Variants in COLGALT2 observed in about 807,000 individuals in gnomAD.
COLGALT2 encodes collagen beta(1-O)galactosyltransferase 2, also known as procollagen galactosyltransferase 2.
A neutral mutation model predicts 73.4 loss-of-function variants in COLGALT2; 49 were observed. The observed-to-expected ratio is 0.67, with a 90% CI of 0.53 to 0.85. COLGALT2 has a LOEUF of 0.85. Ranked by LOEUF, COLGALT2 falls within the 40% of genes least tolerant of loss-of-function variation. The pLI is 0.00. For missense variants in COLGALT2, 722 were observed against 790.2 expected, an observed-to-expected ratio of 0.91 and a Z score of 1.03; for synonymous variants, 295 against 307.6, an observed-to-expected ratio of 0.96 and a Z score of 0.43.
At chr1:183,981,526 C>T (rs75271463) in intron 1 of COLGALT2, among the ~76,000 whole-genome samples, 2,379 of 151,384 alleles carry the variant, frequency 0.016, 54 homozygotes, top group African/African-American at 0.055. Context: ...TATGGTGGCA[C>T]GTGCCTGTTA....
In COLGALT2 at chr1:183,973,708, T is replaced by G; in HGVS notation, c.535A>C (p.Asn179His). The G allele has an allele frequency of 6.2e-7, 1 of 1,613,918 alleles. No homozygotes were observed. Among genetic ancestry groups the G allele is most frequent in the East Asian group, 2.2e-5 (1 of 44,888 alleles). Residue 179 changes from asparagine to histidine, a missense_variant, in exon 4 of 12, where the codon AAT becomes CAT. Asn to His is a moderately conservative substitution (Grantham distance 68). Transcript: ENST00000361927. Reference sequence around the variant, plus strand: ...GTTTTGTTTTCTGCAATCAGTAGATTGAGGGTCTGTGGATTAGTCAGGAAA... The same window carrying G: ...GTTTTGTTTTCTGCAATCAGTAGATGGAGGGTCTGTGGATTAGTCAGGAAA... ...DNFLTNPQTL[N>H]LLIAENKTIV...
intron 1 of COLGALT2, among the ~76,000 whole-genome samples, chr1:184,019,026 G>C (rs995520133): frequency 6.6e-6 from 1 of 152,192 alleles, no homozygotes; most frequent in Non-Finnish European, 1.5e-5. Context: ...TTGAACGGCT[G>C]AGGACCTTTC....
chr1:183,986,295 C>G (rs1558326370), intron 1 of COLGALT2, among the ~76,000 whole-genome samples: 1 of 152,322 alleles, frequency 6.6e-6, no homozygotes, highest in Middle Eastern at 3.4e-3. Flanking sequence ...TACCAAGTCA[C>G]TTAGTTGCAA....
intron 1 of COLGALT2, among the ~76,000 whole-genome samples, chr1:183,993,343 G>A (rs7551678): frequency 0.16 from 23,677 of 152,182 alleles, 3,006 homozygotes; most frequent in African/African-American, 0.34. Flanking sequence ...CAGCACCCAG[G>A]AAATATCTGG....
chr1:184,020,278 C>T (rs1197650476), intron 1 of COLGALT2, among the ~76,000 whole-genome samples: 1 of 152,042 alleles, frequency 6.6e-6, no homozygotes, highest in Non-Finnish European at 1.5e-5. Context: ...CAAGAGTTAA[C>T]AGAGCAAATA....
chr1:183,991,198 T>A (rs185160336), intron 1 of COLGALT2, among the ~76,000 whole-genome samples: 1 of 152,336 alleles, frequency 6.6e-6, no homozygotes, highest in African/African-American at 2.4e-5. Flanking sequence ...CATGTGCTTG[T>A]TGAATGACTA....
At chr1:183,984,280 C>CA (rs1671429037) in intron 1 of COLGALT2, among the ~76,000 whole-genome samples, 1 of 152,198 alleles carries the variant, frequency 6.6e-6, no homozygotes, top group Non-Finnish European at 1.5e-5. Context: ...TGGTGTGTGC[C>CA]TGTAGTCCCA....
chr1:184,031,800 A>G (rs1274882031), intron 1 of COLGALT2, among the ~76,000 whole-genome samples: 1 of 150,182 alleles, frequency 6.7e-6, no homozygotes, highest in Non-Finnish European at 1.5e-5. Context: ...TGTCTAGAAC[A>G]GTGCCTCCAT....
chr1:183,940,380 GACACTCACC>G (rs1670074273), intron 11 of COLGALT2, among the ~76,000 whole-genome samples, 192 bp downstream of exon 11: 1 of 152,168 alleles, frequency 6.6e-6, no homozygotes, highest in Non-Finnish European at 1.5e-5. Context: ...CTCTGGGCAG[GACACTCACC>G]ATCTCTGCCT....
At chr1:183,952,530 C>A (rs936820487) in intron 7 of COLGALT2, among the ~76,000 whole-genome samples, 1 of 152,172 alleles carries the variant, frequency 6.6e-6, no homozygotes, top group African/African-American at 2.4e-5. Flanking sequence ...TCAGATTGTA[C>A]TGTGTTAAGG....
chr1:183,942,695 A>G (rs1425314637), intron 10 of COLGALT2, among the ~76,000 whole-genome samples: 3 of 152,236 alleles, frequency 2.0e-5, no homozygotes, highest in Non-Finnish European at 4.4e-5. Context: ...TAACAGGTAC[A>G]ATTTAAAACT....
chr1:184,007,959 A>G (rs1672128361), intron 1 of COLGALT2, among the ~76,000 whole-genome samples: 2 of 152,250 alleles, frequency 1.3e-5, no homozygotes, highest in Non-Finnish European at 2.9e-5. Flanking sequence ...GGCACTGGAC[A>G]TGAACTAGGA....
At chr1:184,031,982 C>T (rs1426095350) in intron 1 of COLGALT2, among the ~76,000 whole-genome samples, 1 of 149,612 alleles carries the variant, frequency 6.7e-6, no homozygotes, top group Non-Finnish European at 1.5e-5. Context: ...CTGCAACCTC[C>T]ACCTCCTAGG....
In COLGALT2 at chr1:183,937,072, T is replaced by C; in HGVS notation, c.*1689A>G. ...AATCAGTATCACATGGGCAGTGAAC[T>C]GAAGAATTAGGTGTCTGGCTTAAAG... is the stretch of plus-strand genomic sequence containing the variant. On this transcript the variant is annotated 3_prime_UTR_variant, in exon 12 of 12. Transcript: ENST00000361927. 8.1e-7 allele frequency: 1 copy of C among 1,231,520 alleles called. No homozygotes were observed. The highest frequency in any genetic ancestry group is 1.5e-5 in the African/African-American group (1 of 64,528). 76.3% of individuals were successfully genotyped at this position (1,231,520 alleles called of 1,614,324 possible).
At chr1:184,008,244 G>A (rs1672135687) in intron 1 of COLGALT2, among the ~76,000 whole-genome samples, 2 of 152,110 alleles carry the variant, frequency 1.3e-5, no homozygotes, top group Admixed American at 6.5e-5. Flanking sequence ...TGACAGGCCT[G>A]TATTTTTTTA....
chr1:184,003,666 TAA>T (rs1306769454), intron 1 of COLGALT2, among the ~76,000 whole-genome samples: 2 of 152,292 alleles, frequency 1.3e-5, no homozygotes, highest in East Asian at 3.9e-4. Context: ...TTTTTGATAC[TAA>T]GTTTGAGGTG....
At position 183,938,944 on chromosome 1, in the gene COLGALT2, C is replaced by T. The variant is rs1374473016; in HGVS notation, c.1698G>A (p.Pro566=). The part of the protein sequence containing the change: ...LIYPTHYTGQ[P]GYLSDTETST... ...AGGTCTCCGTGTCACTCAGGTACCC[C>T]GGCTGGCCTGTGTAGTGCGTAGGGT... Residue 566 remains proline (P), a synonymous_variant, in exon 12 of 12, where the codon CCG becomes CCA. Transcript: ENST00000361927. 8.1e-6 allele frequency: 13 copies of T among 1,614,096 alleles called. No individual in the cohort carries two copies. In the South Asian group the frequency reaches 1.1e-4, roughly 14 times the overall value.
chr1:183,954,800 C>T lies in COLGALT2; in HGVS notation c.991G>A (p.Val331Ile), dbSNP rs375823749. ...ATCTTGTCTGGATATTTAGGGACAA[C>T]TGAGACATACTGGGAGGGTTCCATT... The part of the protein sequence containing the change: ...PPMEPSQYVS[V>I]VPKYPDKMGF... The change falls in exon 7 of 12, where the codon GTT becomes ATT. Residue 331 changes from valine to isoleucine, a missense_variant. Val to Ile is a conservative substitution (Grantham distance 29, BLOSUM62 3). Transcript: ENST00000361927. 6.2e-7 allele frequency: 1 copy of T among 1,613,400 alleles called. No individual in the cohort carries two copies. Among genetic ancestry groups the T allele is most frequent in the Non-Finnish European group, 8.5e-7 (1 of 1,179,468 alleles).
intron 1 of COLGALT2, among the ~76,000 whole-genome samples, chr1:183,994,026 C>CTTTTTTTTTTTT (rs869129633): frequency 2.9e-5 from 2 of 70,028 alleles, no homozygotes; most frequent in African/African-American, 5.8e-5. Context: ...TCTTGTAATT[C>CTTTTTTTTTTTT]TTTTTTTTTT....
Sources: allele counts gnomAD v4.1 joint callset (sites outside exome capture counted in the v4.1 genomes callset), GRCh38; gene constraint gnomAD v4.1.1; transcripts MANE v1.5; gene names NCBI Gene and HGNC (gene_info 2026-07-23, HGNC 2026-07-21).